QRFPR: variants seen among roughly 807,000 people sequenced by gnomAD.
The protein encoded by QRFPR is pyroglutamylated RFamide peptide receptor, also known as pyroglutamylated RF-amide peptide receptor.
QRFPR carries 37 observed loss-of-function variants against 31.3 expected under a neutral mutation model. The observed-to-expected ratio is 1.18, with a 90% CI of 0.91 to 1.56. The LOEUF (loss-of-function observed/expected upper bound fraction) is 1.56. Ranked by LOEUF, QRFPR falls within the 40% of genes most tolerant of loss-of-function variation. The pLI is 0.00. For synonymous variants in QRFPR, 197 were observed against 192.0 expected (o/e 1.03, Z -0.22); for missense variants, 542 against 532.5 (o/e 1.02, Z -0.18).
intron 1 of QRFPR, among the ~76,000 whole-genome samples, chr4:121,373,291 T>C (rs988496187): frequency 5.9e-5 from 9 of 152,232 alleles, no homozygotes; most frequent in Non-Finnish European, 1.3e-4. Context: ...ATCTTTTACA[T>C]AAATGCTGTT....
chr4:121,375,214 A>G (rs1726327700), intron 1 of QRFPR, among the ~76,000 whole-genome samples: 1 of 152,108 alleles, frequency 6.6e-6, no homozygotes, highest in African/African-American at 2.4e-5. Context: ...CACGAGTCCC[A>G]TTCTCTCCCA....
intron 1 of QRFPR, among the ~76,000 whole-genome samples, chr4:121,372,299 G>C (rs1464085308): frequency 6.6e-6 from 1 of 152,158 alleles, no homozygotes; most frequent in Non-Finnish European, 1.5e-5. Context: ...CTATGGGTAA[G>C]ACAGCAAGGC....
At chr4:121,355,011 A>T (rs567220910) in intron 1 of QRFPR, among the ~76,000 whole-genome samples, 1 of 152,104 alleles carries the variant, frequency 6.6e-6, no homozygotes, top group Non-Finnish European at 1.5e-5. Flanking sequence ...CTAATCAAGG[A>T]TATTGGCCTG....
At chr4:121,340,718 A>T in intron 1 of QRFPR, 108 bp from the exon 2 acceptor site, 2 of 1,047,982 alleles carry the variant, frequency 1.9e-6, no homozygotes, top group Non-Finnish European at 2.7e-6. Context: ...TCTGCCAAAA[A>T]GTTTGATAAT....
Position 121,362,886 on chromosome 4 carries a change from T to C in QRFPR, c.340+17422A>G, listed in dbSNP as rs1224442577. 5.3e-5 allele frequency among the ~76,000 whole-genome samples: 8 copies of C among 150,512 alleles called. 1 individual carries two copies. Among genetic ancestry groups the C allele is most frequent in the Non-Finnish European group, 1.0e-4 (7 of 67,692 alleles). ...CTTATCTGACATGAAATACCCATTA[T>C]TGTTATTGAAATAAACTTGTAAATA... On this transcript the variant is annotated intron_variant, in intron 1 of 5. Coordinates refer to ENST00000394427, the MANE Select transcript of QRFPR (RefSeq NM_198179.3).
intron 1 of QRFPR, among the ~76,000 whole-genome samples, chr4:121,357,715 T>C (rs34838042): frequency 0.021 from 3,138 of 152,280 alleles, 57 homozygotes; most frequent in Non-Finnish European, 0.03. Flanking sequence ...CTTGGGGACT[T>C]AAGCTTTTTA....
chr4:121,336,321 G>A (rs909142091), intron 3 of QRFPR, among the ~76,000 whole-genome samples: 1 of 152,162 alleles, frequency 6.6e-6, no homozygotes, highest in South Asian at 2.1e-4. Context: ...GGAAAGGAGA[G>A]AGGTTGATTA....
intron 5 of QRFPR, 100 bp downstream of exon 5, chr4:121,330,326 T>C (rs973626664): frequency 1.3e-6 from 1 of 791,358 alleles, no homozygotes; most frequent in Admixed American, 2.2e-5. Context: ...GTTAGGTATT[T>C]GATTATCCAA....
chr4:121,363,195 G>A (rs922531236), intron 1 of QRFPR, among the ~76,000 whole-genome samples: 4 of 149,786 alleles, frequency 2.7e-5, no homozygotes, highest in South Asian at 4.2e-4. Context: ...GCGTGGTGGC[G>A]CACACCTGTA....
intron 3 of QRFPR, among the ~76,000 whole-genome samples, chr4:121,334,147 G>T (rs1420977359): frequency 6.6e-6 from 1 of 152,176 alleles, no homozygotes; most frequent in Non-Finnish European, 1.5e-5. Context: ...TGACCAGGGG[G>T]TATGGACTGA....
At chr4:121,365,636 ATATTTTATATATT>A (rs1726117799) in intron 1 of QRFPR, among the ~76,000 whole-genome samples, 4 of 27,904 alleles carry the variant, frequency 1.4e-4, no homozygotes, top group African/African-American at 7.2e-4. Context: ...TATTATATAT[ATATTTTATATATT>A]ATATATTATA....
intron 1 of QRFPR, among the ~76,000 whole-genome samples, chr4:121,374,774 T>C: frequency 6.6e-6 from 1 of 152,250 alleles, no homozygotes; most frequent in East Asian, 1.9e-4. Context: ...TTTCTTACCC[T>C]AATACTCTTC....
At chr4:121,366,776 T>C (rs1207538970) in intron 1 of QRFPR, among the ~76,000 whole-genome samples, 1 of 150,094 alleles carries the variant, frequency 6.7e-6, no homozygotes, top group Admixed American at 6.6e-5. Flanking sequence ...CACTAACACC[T>C]CTCTGAGCCT....
Position 121,365,556 on chromosome 4 carries a change from TA to T in QRFPR, c.340+14751del, listed in dbSNP as rs1579587037. Among the ~76,000 whole-genome samples, 16 of 3,654 alleles carry T rather than the reference TA, an allele frequency of 4.4e-3. No homozygotes were observed. In the East Asian group the frequency reaches 0.054, roughly 12 times the overall value. The allele number at this position is 3,654 out of a possible 152,430, so 2.4% of individuals were successfully genotyped here. A position where few individuals can be genotyped will look rare whatever the true frequency, so the allele number is the denominator to read the frequency against. ...TATAATATATATTATATATAATATA[TA>T]ATATATATTATATATAATATATATT... On this transcript the variant is annotated intron_variant, in intron 1 of 5. Transcript: ENST00000394427.
intron 1 of QRFPR, among the ~76,000 whole-genome samples, chr4:121,354,981 T>C (rs1406163945): frequency 1.3e-5 from 2 of 152,116 alleles, no homozygotes; most frequent in African/African-American, 4.8e-5. Flanking sequence ...AGTATTTTGT[T>C]AGAGGTTTTT....
rs1049174135 is a variant in QRFPR, at chr4:121,361,321, C to T, written c.340+18987G>A. ...ATAGTGTATTACATTCTGCACCCTC[C>T]TTGGTATAATGATGATGTGGAAGTT... On this transcript the variant is annotated intron_variant, in intron 1 of 5. Transcript: ENST00000394427. Among the ~76,000 whole-genome samples the T allele has an allele frequency of 2.7e-5, 4 of 149,970 alleles. 1 individual carries two copies. Among genetic ancestry groups the T allele is most frequent in the African/African-American group, 9.9e-5 (4 of 40,500 alleles).
chr4:121,365,601 T>TAC (rs1726108454), intron 1 of QRFPR, among the ~76,000 whole-genome samples: 1 of 18,822 alleles, frequency 5.3e-5, no homozygotes, highest in African/African-American at 3.8e-4. Context: ...TATATATATA[T>TAC]AATATATATA....
At chr4:121,340,108 CAA>C (rs58311512) in intron 2 of QRFPR, 282 of 131,774 alleles carry the variant, frequency 2.1e-3, no homozygotes, top group South Asian at 8.6e-3. Flanking sequence ...CACTCTGTCT[CAA>C]AAAAAAAAAA....
chr4:121,364,928 G>T (rs1427383835), intron 1 of QRFPR, among the ~76,000 whole-genome samples: 1 of 149,676 alleles, frequency 6.7e-6, no homozygotes, highest in Non-Finnish European at 1.5e-5. Context: ...CTGGAGAGAA[G>T]TAGAGTCACA....
Sources: gnomAD v4.1 joint callset for allele counts (sites outside exome capture counted in the v4.1 genomes callset) on GRCh38, gnomAD v4.1.1 for gene constraint, MANE v1.5 for transcripts, NCBI Gene and HGNC (gene_info 2026-07-23, HGNC 2026-07-21) for gene names.